Variants in CROCC2 observed in about 807,000 individuals in gnomAD.
CROCC2 encodes the protein ciliary rootlet coiled-coil protein 2.
A neutral mutation model predicts 177.6 loss-of-function variants in CROCC2; 163 were observed. That is an observed-to-expected ratio of 0.92 (90% CI 0.81 to 1.05). CROCC2 has a LOEUF of 1.05. CROCC2 is among the 50% of genes least tolerant of loss of function. The pLI is 0.00. For synonymous variants in CROCC2, 904 were observed against 787.3 expected, an observed-to-expected ratio of 1.15 and a Z score of -2.48; for missense variants, 1,929 against 1,797.8, an observed-to-expected ratio of 1.07 and a Z score of -1.32.
rs533733824 is a variant in CROCC2 at position 240,919,999 on chromosome 2, G to A, written c.246G>A (p.Pro82=). Reference sequence around the variant, plus strand: ...ACCGTGCAGCAGGGGTACAGGAGCCGACAGCCACTGTGGCCCGAGTGCAAG... The same window carrying A: ...ACCGTGCAGCAGGGGTACAGGAGCCAACAGCCACTGTGGCCCGAGTGCAAG... ...EEPPQAGVQE[P]TATVARVQEE... Residue 82 remains proline, a synonymous_variant, in exon 3 of 32, where the codon CCG becomes CCA. Transcript: ENST00000690015. The A allele has an allele frequency of 8.4e-5, 60 of 716,176 alleles. No homozygotes were observed. Among genetic ancestry groups the A allele is most frequent in the African/African-American group, 8.4e-4 (48 of 57,362 alleles). 44.4% of individuals were successfully genotyped at this position (716,176 alleles called of 1,614,324 possible).
Position 240,918,934 on chromosome 2 carries a change from A to T in CROCC2, c.229+58A>T. ...GCTGGCCAAGGTGACGGCGTGGGGG[A>T]CAGTCCTGGGCCCGGTGCTGGCCAA... On this transcript the variant is annotated intron_variant, in intron 2 of 31. Transcript: ENST00000690015. The surrounding 1 kb of genome is among the most constrained non-coding windows in gnomAD (Gnocchi z 6.3). The T allele has an allele frequency of 1.5e-6, 1 of 661,958 alleles. No homozygotes were observed. The allele number at this position is 661,958 out of a possible 1,614,324, so 41.0% of individuals were successfully genotyped here.
Position 240,930,153 on chromosome 2 carries a change from C to T in CROCC2, c.646-13C>T, listed in dbSNP as rs1248784518. On this transcript the variant is annotated splice_polypyrimidine_tract_variant and intron_variant, in intron 5 of 31. Transcript: ENST00000690015. ...CCCCAGCCTGAAGTAGACAGGAGGC[C>T]TCTTGCTTTCAGACCCGGTCAGGGG... 6 of 543,308 alleles carry T rather than the reference C, an allele frequency of 1.1e-5. No individual in the cohort carries two copies. The highest frequency in any genetic ancestry group is 5.8e-5 in the African/African-American group (3 of 51,980). 33.7% of individuals were successfully genotyped at this position (543,308 alleles called of 1,614,324 possible).
chr2:240,964,326 C>A (rs1389079247), intron 21 of CROCC2, 140 bp from the exon 22 acceptor site: 1 of 1,042,482 alleles, frequency 9.6e-7, no homozygotes, highest in African/African-American at 1.6e-5. Flanking sequence ...ACAGGGAACC[C>A]TGCAGAGGCT....
At chr2:240,961,524 G>A (rs115604421) in intron 20 of CROCC2, among the ~76,000 whole-genome samples, 2 of 150,016 alleles carry the variant, frequency 1.3e-5, no homozygotes, top group African/African-American at 2.5e-5. Context: ...CATACAGAGT[G>A]GACACCTGCA....
rs761199070 is a variant in CROCC2, at chr2:240,932,323, C to T, written c.953C>T (p.Ser318Leu). The change falls in exon 8 of 32, where the codon TCG becomes TTG. Residue 318 changes from serine (S) to leucine (L), a missense_variant. Ser to Leu is a moderately radical substitution (Grantham distance 145, BLOSUM62 -2). Transcript: ENST00000690015. Reference sequence around the variant, plus strand: ...CACCCCCCGACTCCTCCCAGACTCTCGGAGCAAACCCTGCTGGTGGAGAAG... The same window carrying T: ...CACCCCCCGACTCCTCCCAGACTCTTGGAGCAAACCCTGCTGGTGGAGAAG... ...AEKVALQARL[S>L]EQTLLVEKLT... is the part of the protein sequence containing the mutation. 5.6e-6 allele frequency: 4 copies of T among 715,318 alleles called. No homozygotes were observed. Among genetic ancestry groups the T allele is most frequent in the East Asian group, 5.4e-5 (2 of 37,236 alleles). The allele number at this position is 715,318 out of a possible 1,614,324, so 44.3% of individuals were successfully genotyped here. A position where few individuals can be genotyped will look rare whatever the true frequency, so the allele number is the denominator to read the frequency against.
intron 18 of CROCC2, 110 bp downstream of exon 18, chr2:240,950,620 T>A: frequency 2.7e-6 from 3 of 1,093,394 alleles, no homozygotes; most frequent in Non-Finnish European, 3.8e-6. Context: ...TCCAACCGCC[T>A]ACCCACCCAT....
intron 20 of CROCC2, chr2:240,959,801 G>T: frequency 5.4e-6 from 1 of 183,580 alleles, no homozygotes; most frequent in Non-Finnish European, 1.1e-5. Context: ...GCTGAGTCAG[G>T]TGGACTTGGC....
intron 14 of CROCC2, among the ~76,000 whole-genome samples, chr2:240,944,198 T>C (rs1481533829): frequency 2.0e-5 from 3 of 152,254 alleles, no homozygotes; most frequent in Non-Finnish European, 4.4e-5. Flanking sequence ...TCTTGTTCAT[T>C]TCACGCCTAT....
At chr2:240,987,809 CA>C (rs1404418456) in intron 28 of CROCC2, among the ~76,000 whole-genome samples, 12 of 152,380 alleles carry the variant, frequency 7.9e-5, no homozygotes, top group Non-Finnish European at 1.5e-4. Flanking sequence ...CTGGGCACGG[CA>C]GAGCCTGGAG....
At chr2:240,984,336 G>A (rs1207395740) in intron 28 of CROCC2, among the ~76,000 whole-genome samples, 1 of 152,052 alleles carries the variant, frequency 6.6e-6, no homozygotes, top group Non-Finnish European at 1.5e-5. Context: ...GGGGAGATGA[G>A]GGGCGCACAG....
At chr2:240,939,122 G>T (rs1234507328) in intron 14 of CROCC2, among the ~76,000 whole-genome samples, 2 of 152,106 alleles carry the variant, frequency 1.3e-5, no homozygotes, top group Non-Finnish European at 2.9e-5. Context: ...CATTAAATAT[G>T]ATGTTATCTG....
rs933328437 is a variant in CROCC2 at position 240,993,118 on chromosome 2, A to C, written c.*37A>C. 2.8e-6 allele frequency: 2 copies of C among 715,812 alleles called. No individual in the cohort carries two copies. Among genetic ancestry groups the C allele is most frequent in the Admixed American group, 2.0e-5 (1 of 49,936 alleles). 44.3% of individuals were successfully genotyped at this position (715,812 alleles called of 1,614,324 possible). ...CAGGGGAGGCGCCCAGCGTGGCTGC[A>C]GAGGAAGGGAACGCACCGCAGGTGG... On this transcript the variant is annotated 3_prime_UTR_variant, in exon 32 of 32. Transcript: ENST00000690015.
chr2:240,966,020 G>C, intron 24 of CROCC2, 27 bp downstream of exon 24: 1 of 1,327,822 alleles, frequency 7.5e-7, no homozygotes, highest in Non-Finnish European at 9.6e-7. Flanking sequence ...GAGGCAGGCG[G>C]GCCCCTCTCC....
At chr2:240,970,703 A>AG (rs923799915) in intron 27 of CROCC2, among the ~76,000 whole-genome samples, 4 of 152,002 alleles carry the variant, frequency 2.6e-5, no homozygotes, top group African/African-American at 4.8e-5. Context: ...CCTGCTCCCC[A>AG]GGGGGGCTCT....
At chr2:240,916,558 C>T (rs549541317) in intron 1 of CROCC2, among the ~76,000 whole-genome samples, 33 of 150,714 alleles carry the variant, frequency 2.2e-4, no homozygotes, top group African/African-American at 7.8e-4. Flanking sequence ...GCTCCCCGCG[C>T]CCCCCTCCGG....
In CROCC2 at chr2:240,958,437, C is replaced by T; in HGVS notation, c.2944-864C>T. The stretch of plus-strand genomic sequence containing the variant: ...GCTCCTTTCCCAAGAGCAGGGGGCA[C>T]AGGCTGCAGGAACCCCCACCCTAGC... On this transcript the variant is annotated intron_variant, in intron 19 of 31. Coordinates refer to ENST00000690015, the MANE Select transcript of CROCC2 (RefSeq NM_001351305.2). This position sits in a 1 kb window ranked among gnomAD's most constrained non-coding sequence, Gnocchi z 6.7. The T allele has an allele frequency of 3.5e-6, 1 of 283,068 alleles. No homozygotes were observed. Among genetic ancestry groups the T allele is most frequent in the African/African-American group, 2.3e-5 (1 of 43,964 alleles). 17.5% of individuals were successfully genotyped at this position (283,068 alleles called of 1,614,324 possible). A position where few individuals can be genotyped will look rare whatever the true frequency, so the allele number is the denominator to read the frequency against.
At chr2:240,938,947 T>C (rs1023944840) in intron 14 of CROCC2, among the ~76,000 whole-genome samples, 6 of 152,196 alleles carry the variant, frequency 3.9e-5, no homozygotes, top group Admixed American at 3.9e-4. Flanking sequence ...TTTATATAAT[T>C]ATTCATCTGT....
chr2:240,951,435 C>T (rs1191463207), intron 18 of CROCC2, among the ~76,000 whole-genome samples: 1 of 152,118 alleles, frequency 6.6e-6, no homozygotes, highest in Non-Finnish European at 1.5e-5. Flanking sequence ...TCTATCCACC[C>T]ATCCATCCAT....
In CROCC2 at chr2:240,953,330, G is replaced by A. The variant is rs146762823; in HGVS notation, c.2830-2529G>A. 3.9e-5 allele frequency among the ~76,000 whole-genome samples: 6 copies of A among 152,042 alleles called. No homozygotes were observed. Among genetic ancestry groups the A allele is most frequent in the Non-Finnish European group, 8.8e-5 (6 of 67,978 alleles). On this transcript the variant is annotated intron_variant, in intron 18 of 31. Transcript: ENST00000690015. The surrounding 1 kb of genome is among the most constrained non-coding windows in gnomAD (Gnocchi z 4.0). Reference sequence around the variant, plus strand: ...CTCAGGAGGCTGAGGCAGGAGAATCGCTTGAACCCAGGAGATTCTCACTGA... The same window carrying A: ...CTCAGGAGGCTGAGGCAGGAGAATCACTTGAACCCAGGAGATTCTCACTGA...
Sources: allele counts gnomAD v4.1 joint callset (sites outside exome capture counted in the v4.1 genomes callset), GRCh38; gene constraint gnomAD v4.1.1; non-coding constraint Gnocchi (gnomAD v3.1); transcripts MANE v1.5; gene names NCBI Gene and HGNC (gene_info 2026-07-23, HGNC 2026-07-21).